The following KANSL1 variants were observed in gnomAD, a reference collection of about 807,000 sequenced individuals.
The protein encoded by KANSL1 is MLL1/MLL complex subunit KANSL1.
A neutral mutation model predicts 103.6 loss-of-function variants in KANSL1; 22 were observed. The ratio of observed to expected loss-of-function variants is 0.21; its 90% CI spans 0.15 to 0.30. The LOEUF (loss-of-function observed/expected upper bound fraction) is 0.30. Ranked by LOEUF, KANSL1 falls within the 10% of genes least tolerant of loss-of-function variation. The probability of loss-of-function intolerance (pLI) is 1.00; values close to 1 mark genes in which losing one functional copy is unlikely to be tolerated. For missense variants in KANSL1, 1,337 were observed against 1,399.8 expected, an observed-to-expected ratio of 0.96 and a Z score of 0.72; for synonymous variants, 600 against 527.6, an observed-to-expected ratio of 1.14 and a Z score of -1.88.
chr17:46,038,842 G>A, intron 9 of KANSL1, 156 bp from the exon 10 acceptor site: 1 of 1,153,752 alleles, frequency 8.7e-7, no homozygotes, highest in Non-Finnish European at 1.2e-6. Flanking sequence ...TGGGAAGTAG[G>A]GGCAGGGCAG....
intron 2 of KANSL1, among the ~76,000 whole-genome samples, chr17:46,138,104 A>G (rs144902525): frequency 2.2e-4 from 33 of 152,246 alleles, no homozygotes; most frequent in African/African-American, 7.2e-4. Context: ...TTGACTCCTG[A>G]TCTCTTTCCA....
At chr17:46,143,860 G>A (rs1271162549) in intron 2 of KANSL1, among the ~76,000 whole-genome samples, 2 of 146,816 alleles carry the variant, frequency 1.4e-5, no homozygotes, top group East Asian at 4.1e-4. Context: ...GAAGAGATGA[G>A]AAAATTTGAG....
At chr17:46,208,109 CAA>C (rs535893493) in intron 1 of KANSL1, among the ~76,000 whole-genome samples, 3 of 130,744 alleles carry the variant, frequency 2.3e-5, no homozygotes, top group Admixed American at 1.5e-4. Context: ...AAATCCGTCT[CAA>C]AAAAAAAAAA....
intron 1 of KANSL1, among the ~76,000 whole-genome samples, chr17:46,187,468 C>T (rs551209062): frequency 8.5e-5 from 13 of 152,272 alleles, no homozygotes; most frequent in African/African-American, 2.9e-4. Flanking sequence ...TTTAAAATAA[C>T]ATTTAGATAA....
At chr17:46,175,842 T>C (rs2046494536) in intron 1 of KANSL1, among the ~76,000 whole-genome samples, 2 of 152,248 alleles carry the variant, frequency 1.3e-5, no homozygotes, top group South Asian at 4.1e-4. Flanking sequence ...TAATTACTAA[T>C]ATATTATTAA....
intron 13 of KANSL1, 172 bp from the exon 14 acceptor site, chr17:46,032,471 TACA>T: frequency 1.9e-6 from 1 of 528,838 alleles, no homozygotes; most frequent in South Asian, 3.5e-5. Flanking sequence ...GGGGTAGGTA[TACA>T]ACATTTACCA....
At chr17:46,104,184 C>T (rs2042435079) in intron 2 of KANSL1, among the ~76,000 whole-genome samples, 1 of 152,036 alleles carries the variant, frequency 6.6e-6, no homozygotes, top group Non-Finnish European at 1.5e-5. Flanking sequence ...ATTTAAGGTA[C>T]TTTAAACTCC....
intron 2 of KANSL1, chr17:46,156,662 G>C (rs1204602755): frequency 6.6e-6 from 1 of 152,312 alleles, no homozygotes; most frequent in Non-Finnish European, 1.5e-5. Flanking sequence ...TTCTGGTCTA[G>C]AACTCCCGGG....
intron 7 of KANSL1, among the ~76,000 whole-genome samples, chr17:46,046,514 G>A (rs553203720): frequency 8.6e-6 from 1 of 116,132 alleles, no homozygotes; most frequent in East Asian, 3.0e-4. Flanking sequence ...CTGAGTGACA[G>A]AGTGAGACTC....
intron 2 of KANSL1, among the ~76,000 whole-genome samples, chr17:46,166,255 T>A (rs1191248952): frequency 1.3e-5 from 2 of 149,898 alleles, no homozygotes; most frequent in African/African-American, 4.9e-5. Flanking sequence ...CTTACACCTG[T>A]AATCCCAGCA....
chr17:46,187,430 C>A (rs1453258197), intron 1 of KANSL1, among the ~76,000 whole-genome samples: 1 of 152,296 alleles, frequency 6.6e-6, no homozygotes, highest in East Asian at 1.9e-4. Context: ...ATTTTGGATT[C>A]CTGGTTCAGG....
rs34613356 is a variant in KANSL1, at chr17:46,171,890, G to A, written c.254C>T (p.Ser85Phe). Residue 85 changes from serine to phenylalanine, a missense_variant, in exon 2 of 15, where the codon TCT becomes TTT. By Grantham distance (155) the Ser-to-Phe change is radical. Around this residue, in one of 2 missense-constraint regions of KANSL1, gnomAD observed 557 missense variants for 476.4 expected, o/e 1.17. Transcript: ENST00000432791. The stretch of plus-strand genomic sequence containing the variant: ...CTTTGAGGGAACAGATGTTACATCA[G>A]AGCAGAGATAAGATGCCACCAGTGG... ...LQPLVASYLCSDVTSVPSKES... is the reference protein window; with the variant it reads ...LQPLVASYLCFDVTSVPSKES... 1 of 1,614,266 alleles carries A rather than the reference G, an allele frequency of 6.2e-7. No individual in the cohort carries two copies. The highest frequency in any genetic ancestry group is 8.5e-7 in the Non-Finnish European group (1 of 1,180,054).
At chr17:46,084,478 G>A (rs1261237266) in intron 3 of KANSL1, among the ~76,000 whole-genome samples, 1 of 151,496 alleles carries the variant, frequency 6.6e-6, no homozygotes, top group African/African-American at 2.4e-5. Flanking sequence ...GGTTAGGAGT[G>A]CGAGACCAGC....
chr17:46,033,485 A>C (rs1374799597), intron 11 of KANSL1, 25 bp from the exon 12 acceptor site: 1 of 1,609,366 alleles, frequency 6.2e-7, no homozygotes, highest in African/African-American at 1.3e-5. Context: ...ACAGACAATC[A>C]TGAGATGGCA....
intron 2 of KANSL1, among the ~76,000 whole-genome samples, chr17:46,114,634 A>T (rs2042965365): frequency 6.6e-6 from 1 of 152,250 alleles, no homozygotes; most frequent in South Asian, 2.1e-4. Context: ...AAGGTCTCTG[A>T]TATACTAATT....
chr17:46,162,060 A>C (rs1165436156), intron 2 of KANSL1, among the ~76,000 whole-genome samples: 1 of 152,270 alleles, frequency 6.6e-6, no homozygotes, highest in African/African-American at 2.4e-5. Flanking sequence ...ACTAATGAGA[A>C]TCAAAACTGG....
intron 1 of KANSL1, among the ~76,000 whole-genome samples, chr17:46,174,275 C>T (rs181784157): frequency 1.4e-4 from 22 of 152,286 alleles, no homozygotes; most frequent in Non-Finnish European, 2.8e-4. Flanking sequence ...ACCTCTGCCT[C>T]CTGGGTTCAA....
At chr17:46,087,871 C>A (rs1327158835) in intron 3 of KANSL1, among the ~76,000 whole-genome samples, 3 of 152,152 alleles carry the variant, frequency 2.0e-5, no homozygotes, top group African/African-American at 7.2e-5. Context: ...GCTGAGAAAA[C>A]TTCATAATGT....
chr17:46,058,976 G>T (rs531024287), intron 6 of KANSL1, among the ~76,000 whole-genome samples: 1 of 151,420 alleles, frequency 6.6e-6, no homozygotes, highest in African/African-American at 2.4e-5. Context: ...GAACCTGGGA[G>T]ATGGAGGTTT....
Sources: allele counts gnomAD v4.1 joint callset (sites outside exome capture counted in the v4.1 genomes callset), GRCh38; gene constraint gnomAD v4.1.1; regional missense constraint gnomAD v4.1.1; transcripts MANE v1.5; gene names NCBI Gene and HGNC (gene_info 2026-07-23, HGNC 2026-07-21).